The following PLD5 variants were observed in gnomAD, a reference collection of about 807,000 sequenced individuals.
PLD5 encodes the protein phospholipase D family member 5, also known as inactive phospholipase D5.
Under a neutral mutation model 61.1 loss-of-function variants are expected in PLD5, and 36 were observed. The observed-to-expected ratio is 0.59, with a 90% confidence interval of 0.45 to 0.78. PLD5 has a LOEUF of 0.78. PLD5 is among the 30% of genes least tolerant of loss of function. The pLI, the probability that PLD5 is intolerant of heterozygous loss-of-function variation, is 0.00. For missense variants in PLD5, 515 were observed against 644.4 expected, an observed-to-expected ratio of 0.80 and a Z score of 2.17; for synonymous variants, 243 against 242.8, an observed-to-expected ratio of 1.00 and a Z score of -0.01.
At chr1:242,300,175 A>G (rs941671623) in intron 2 of PLD5, among the ~76,000 whole-genome samples, 11 of 152,138 alleles carry the variant, frequency 7.2e-5, no homozygotes, top group African/African-American at 2.7e-4. Context: ...ATAGTGGCTC[A>G]CTCCTATAAT....
intron 1 of PLD5, among the ~76,000 whole-genome samples, chr1:242,349,703 T>C (rs1009572342): frequency 3.3e-5 from 5 of 152,194 alleles, no homozygotes; most frequent in African/African-American, 1.2e-4. Context: ...GACAGGGCCA[T>C]GATAACTGGG....
intron 1 of PLD5, among the ~76,000 whole-genome samples, chr1:242,374,640 C>T (rs1265625993): frequency 6.6e-6 from 1 of 152,094 alleles, no homozygotes; most frequent in African/African-American, 2.4e-5. Flanking sequence ...GTGTTAAGAC[C>T]CCTTTCCAGA....
At chr1:242,292,130 T>C (rs1675403069) in intron 2 of PLD5, among the ~76,000 whole-genome samples, 1 of 152,168 alleles carries the variant, frequency 6.6e-6, no homozygotes, top group Non-Finnish European at 1.5e-5. Context: ...GTTGGATATC[T>C]TAATTCTATC....
intron 2 of PLD5, among the ~76,000 whole-genome samples, chr1:242,289,928 ATAT>A (rs1263584973): frequency 8.0e-5 from 12 of 149,830 alleles, no homozygotes; most frequent in Non-Finnish European, 3.0e-5. Flanking sequence ...TCAACCCAAA[ATAT>A]TATAACCAGA....
At chr1:242,177,406 G>A (rs1241591796) in intron 5 of PLD5, among the ~76,000 whole-genome samples, 1 of 152,090 alleles carries the variant, frequency 6.6e-6, no homozygotes, top group African/African-American at 2.4e-5. Context: ...CACACACCGG[G>A]GCCTGTTGGG....
At chr1:242,372,002 G>A (rs1181246143) in intron 1 of PLD5, among the ~76,000 whole-genome samples, 3 of 151,932 alleles carry the variant, frequency 2.0e-5, no homozygotes, top group Admixed American at 2.0e-4. Flanking sequence ...TTCTCCTAAT[G>A]CTATCCCTCC....
chr1:242,339,015 T>C (rs1344660061), intron 2 of PLD5, among the ~76,000 whole-genome samples: 7 of 152,208 alleles, frequency 4.6e-5, no homozygotes, highest in Admixed American at 3.3e-4. Flanking sequence ...CAAGTTTCTT[T>C]TTCTAACTCA....
At chr1:242,105,486 A>T (rs1660979095) in intron 8 of PLD5, among the ~76,000 whole-genome samples, 1 of 152,202 alleles carries the variant, frequency 6.6e-6, no homozygotes, top group Non-Finnish European at 1.5e-5. Flanking sequence ...GGCCTCCCAA[A>T]GTGCTGGGAT....
At chr1:242,427,581 C>A (rs2102882962) in intron 1 of PLD5, among the ~76,000 whole-genome samples, 1 of 152,312 alleles carries the variant, frequency 6.6e-6, no homozygotes, top group South Asian at 2.1e-4. Flanking sequence ...ATCAGCAGGT[C>A]TTAAACTCTT....
chr1:242,315,520 TCAACATC>T (rs1676956180), intron 2 of PLD5, among the ~76,000 whole-genome samples: 1 of 152,192 alleles, frequency 6.6e-6, no homozygotes, highest in Non-Finnish European at 1.5e-5. Context: ...GGAAGAGTCT[TCAACATC>T]CTCGGCAGCT....
chr1:242,443,662 T>C (rs1335953418), intron 1 of PLD5, among the ~76,000 whole-genome samples: 5 of 152,184 alleles, frequency 3.3e-5, no homozygotes, highest in Admixed American at 2.6e-4. Context: ...AACTGTATCA[T>C]AGCTTAACCT....
At chr1:242,479,658 A>G (rs1178717899) in intron 1 of PLD5, among the ~76,000 whole-genome samples, 2 of 152,188 alleles carry the variant, frequency 1.3e-5, no homozygotes, top group Non-Finnish European at 2.9e-5. Flanking sequence ...CTTTTGGTAG[A>G]AATTAACATG....
At chr1:242,147,929 C>T (rs943627348) in intron 5 of PLD5, among the ~76,000 whole-genome samples, 13 of 152,098 alleles carry the variant, frequency 8.5e-5, no homozygotes, top group Admixed American at 7.9e-4. Context: ...AAACCCTTGA[C>T]TAGAGATGTG....
intron 7 of PLD5, among the ~76,000 whole-genome samples, chr1:242,110,059 T>C (rs1470585222): frequency 6.8e-6 from 1 of 146,756 alleles, no homozygotes; most frequent in African/African-American, 2.5e-5. Context: ...AATATAGATA[T>C]TATATTACTA....
chr1:242,443,850 A>C (rs1666383423), intron 1 of PLD5, among the ~76,000 whole-genome samples: 1 of 152,200 alleles, frequency 6.6e-6, no homozygotes, highest in African/African-American at 2.4e-5. Context: ...GCAGCTAATT[A>C]GCTTATTTAT....
chr1:242,422,503 T>C (rs1438230477), intron 1 of PLD5, among the ~76,000 whole-genome samples: 1 of 152,244 alleles, frequency 6.6e-6, no homozygotes, highest in African/African-American at 2.4e-5. Context: ...ATAACTTATG[T>C]GACCTACATA....
At chr1:242,364,652 G>T (rs1661244025) in intron 1 of PLD5, among the ~76,000 whole-genome samples, 1 of 152,110 alleles carries the variant, frequency 6.6e-6, no homozygotes, top group Admixed American at 6.6e-5. Context: ...GGAGGCGGAG[G>T]TTGCAGTGAG....
At chr1:242,493,353 CTG>C (rs1668233378) in intron 1 of PLD5, among the ~76,000 whole-genome samples, 2 of 152,154 alleles carry the variant, frequency 1.3e-5, no homozygotes, top group South Asian at 4.1e-4. Flanking sequence ...CAGCGAATGT[CTG>C]AAGCCTTCAT....
intron 5 of PLD5, among the ~76,000 whole-genome samples, chr1:242,129,762 C>T (rs1663088192): frequency 6.6e-6 from 1 of 152,146 alleles, no homozygotes; most frequent in South Asian, 2.1e-4. Context: ...ATACATTGTA[C>T]TCATTAATTT....
Sources: allele counts gnomAD v4.1 joint callset (sites outside exome capture counted in the v4.1 genomes callset), GRCh38; gene constraint gnomAD v4.1.1; transcripts MANE v1.5; gene names NCBI Gene and HGNC (gene_info 2026-07-23, HGNC 2026-07-21).